HCRTR2: variants seen among roughly 807,000 people sequenced by gnomAD.
The protein encoded by HCRTR2 is hypocretin receptor 2.
HCRTR2 carries 22 observed loss-of-function variants against 49.0 expected under a neutral mutation model. The observed-to-expected ratio is 0.45, with a 90% CI of 0.32 to 0.64. HCRTR2 has a LOEUF of 0.64. Ranked by LOEUF, HCRTR2 falls within the 30% of genes least tolerant of loss-of-function variation. The probability of loss-of-function intolerance (pLI) is 0.04; values close to 1 mark genes in which losing one functional copy is unlikely to be tolerated. For synonymous variants in HCRTR2, 236 were observed against 205.3 expected, an observed-to-expected ratio of 1.15 and a Z score of -1.28; for missense variants, 491 against 559.4, an observed-to-expected ratio of 0.88 and a Z score of 1.23.
chr6:55,117,210 A>G (rs1042113853), intron 1 of HCRTR2, among the ~76,000 whole-genome samples: 1 of 151,834 alleles, frequency 6.6e-6, no homozygotes, highest in Non-Finnish European at 1.5e-5. Context: ...CTTGAGTACA[A>G]ATTTATAATC....
intron 1 of HCRTR2, among the ~76,000 whole-genome samples, chr6:55,144,262 G>A (rs1764549368): frequency 6.6e-6 from 1 of 151,858 alleles, no homozygotes; most frequent in Admixed American, 6.6e-5. Flanking sequence ...ACAGGCATGC[G>A]CCACCACGTC....
chr6:55,158,569 C>T (rs988247430), intron 1 of HCRTR2, among the ~76,000 whole-genome samples: 4 of 152,208 alleles, frequency 2.6e-5, no homozygotes, highest in African/African-American at 7.2e-5. Flanking sequence ...GAAATTCTCA[C>T]TGCCAGTGCA....
At chr6:55,251,126 A>G (rs1317021504) in intron 2 of HCRTR2, among the ~76,000 whole-genome samples, 1 of 152,162 alleles carries the variant, frequency 6.6e-6, no homozygotes, top group Non-Finnish European at 1.5e-5. Context: ...GTAACTAATG[A>G]CTTATATCCC....
intron 1 of HCRTR2, among the ~76,000 whole-genome samples, chr6:55,219,215 G>A (rs1366054015): frequency 6.6e-6 from 1 of 152,108 alleles, no homozygotes; most frequent in African/African-American, 2.4e-5. Flanking sequence ...AACATATGCA[G>A]AAAATTCCAT....
At chr6:55,213,484 A>T (rs1039569491) in intron 1 of HCRTR2, among the ~76,000 whole-genome samples, 2 of 152,140 alleles carry the variant, frequency 1.3e-5, no homozygotes, top group Non-Finnish European at 2.9e-5. Flanking sequence ...GGAACCACTG[A>T]CTCAAAAATG....
chr6:55,214,319 G>C (rs1765748722), intron 1 of HCRTR2, among the ~76,000 whole-genome samples: 1 of 151,976 alleles, frequency 6.6e-6, no homozygotes, highest in Non-Finnish European at 1.5e-5. Context: ...GGGTGAGGTG[G>C]TTTTTGTTTG....
upstream of HCRTR2, among the ~76,000 whole-genome samples, chr6:55,170,828 C>A (rs763140032): frequency 6.9e-6 from 1 of 145,872 alleles, no homozygotes; most frequent in Non-Finnish European, 1.5e-5. Flanking sequence ...TGAGAACATA[C>A]GGTGTTTGGT....
At position 55,148,330 on chromosome 6, in the gene HCRTR2, T is replaced by C. The variant is rs139096847; in HGVS notation, c.-377-25881T>C. Reference sequence around the variant, plus strand: ...TAAAAGTAAATGATGACCAAAAGAATTCTAGAGGGTCTGTTTTGGTAAACA... The same window carrying C: ...TAAAAGTAAATGATGACCAAAAGAACTCTAGAGGGTCTGTTTTGGTAAACA... On this transcript the variant is annotated intron_variant, in intron 1 of 7. Transcript: ENST00000615358. Among the ~76,000 whole-genome samples the C allele has an allele frequency of 4.5e-3, 683 of 152,172 alleles. 7 individuals carry two copies. The highest frequency in any genetic ancestry group is 0.016 in the African/African-American group (663 of 41,536).
intron 1 of HCRTR2, among the ~76,000 whole-genome samples, chr6:55,211,460 A>G (rs2127292159): frequency 6.6e-6 from 1 of 152,314 alleles, no homozygotes; most frequent in Non-Finnish European, 1.5e-5. Context: ...CTGTAAATAT[A>G]GATGAGAGAA....
intron 1 of HCRTR2, among the ~76,000 whole-genome samples, chr6:55,214,291 A>T (rs569980938): frequency 2.8e-4 from 43 of 152,274 alleles, no homozygotes; most frequent in African/African-American, 1.0e-3. Flanking sequence ...CTCTGTATCA[A>T]GCTAGTCCCT....
chr6:55,110,411 C>G (rs1009291377), intron 1 of HCRTR2, among the ~76,000 whole-genome samples: 2 of 152,022 alleles, frequency 1.3e-5, no homozygotes, highest in Non-Finnish European at 1.5e-5. Flanking sequence ...CCTAAAGGCT[C>G]TACTTAAAAG....
chr6:55,158,326 C>T (rs1764758081), intron 1 of HCRTR2, among the ~76,000 whole-genome samples: 1 of 152,152 alleles, frequency 6.6e-6, no homozygotes, highest in Non-Finnish European at 1.5e-5. Flanking sequence ...AGGAGATTCC[C>T]TCGGGTGCCT....
At chr6:55,118,468 AT>A (rs1764150386) in intron 1 of HCRTR2, among the ~76,000 whole-genome samples, 2 of 151,920 alleles carry the variant, frequency 1.3e-5, no homozygotes. Flanking sequence ...TCTTTAAAGA[AT>A]TGCCACACCG....
In HCRTR2 at chr6:55,280,346, CT is replaced by C; in HGVS notation, c.1008del (p.Glu337LysfsTer71). 3 of 1,609,748 alleles carry C rather than the reference CT, an allele frequency of 1.9e-6. No individual in the cohort carries two copies. Among genetic ancestry groups the C allele is most frequent in the Non-Finnish European group, 2.6e-6 (3 of 1,176,140 alleles). ...LKRVFGMFAHTEDRETVYAWF... is the reference protein window; with the variant it reads ...LKRVFGMFAHXEDRETVYAWF... ...AGAGTATTTGGGATGTTTGCCCATA[CT>C]GAAGACAGAGAGACTGTGTATGCCT... On this transcript the variant is annotated frameshift_variant, in exon 6 of 7. Coordinates refer to ENST00000370862, the MANE Select transcript of HCRTR2 (RefSeq NM_001384272.1). LOFTEE classifies it high-confidence loss of function.
chr6:55,237,882 G>GAGT (rs1474979610), intron 1 of HCRTR2, among the ~76,000 whole-genome samples: 3 of 152,286 alleles, frequency 2.0e-5, no homozygotes, highest in African/African-American at 7.2e-5. Flanking sequence ...TCTCAACCAG[G>GAGT]AGTATGTGGT....
chr6:55,176,441 C>G, intron 1 of HCRTR2, among the ~76,000 whole-genome samples: 1 of 152,108 alleles, frequency 6.6e-6, no homozygotes, highest in East Asian at 1.9e-4. Flanking sequence ...GTTACCCATC[C>G]TTAGGATTAC....
At chr6:55,170,494 A>T (rs1170544463), upstream of HCRTR2, among the ~76,000 whole-genome samples, 3 of 151,952 alleles carry the variant, frequency 2.0e-5, no homozygotes, top group Non-Finnish European at 4.4e-5. Context: ...TGAAATGTAC[A>T]TTGATGTTAA....
chr6:55,167,385 A>C (rs1466106163), intron 1 of HCRTR2, among the ~76,000 whole-genome samples: 1 of 152,134 alleles, frequency 6.6e-6, no homozygotes, highest in Non-Finnish European at 1.5e-5. Flanking sequence ...TGGAATTAAG[A>C]TGAATTTCAC....
intron 1 of HCRTR2, among the ~76,000 whole-genome samples, chr6:55,237,392 G>T (rs911189112): frequency 6.6e-6 from 1 of 152,182 alleles, no homozygotes; most frequent in African/African-American, 2.4e-5. Context: ...AGGAGAGCTT[G>T]TCTACTTCAG....
Sources: allele counts gnomAD v4.1 joint callset (sites outside exome capture counted in the v4.1 genomes callset), GRCh38; gene constraint gnomAD v4.1.1; transcripts MANE v1.5; gene names NCBI Gene and HGNC (gene_info 2026-07-23, HGNC 2026-07-21).